Variants in ZFYVE9 observed in about 807,000 individuals in gnomAD.
The protein encoded by ZFYVE9 is zinc finger FYVE-type containing 9, also known as zinc finger FYVE domain-containing protein 9.
A neutral mutation model predicts 126.7 loss-of-function variants in ZFYVE9; 43 were observed. The observed-to-expected ratio is 0.34, with a 90% CI of 0.27 to 0.44. The LOEUF is 0.44. Ranked by LOEUF, ZFYVE9 falls within the 20% of genes least tolerant of loss-of-function variation. The probability of loss-of-function intolerance (pLI) is 1.00; values close to 1 mark genes in which losing one functional copy is unlikely to be tolerated. For synonymous variants in ZFYVE9, 521 were observed against 597.4 expected (o/e 0.87, Z 1.87); for missense variants, 1,476 against 1,697.0 (o/e 0.87, Z 2.29).
rs138090142 is a variant in ZFYVE9, at chr1:52,322,622, C to T, written c.3439-10146C>T. On this transcript the variant is annotated intron_variant, in intron 13 of 18. Transcript: ENST00000287727. ...CGAACTCCTGACCTTGTGACCTGCC[C>T]GCCTTGGCCTCCCAAAGTATTGGGA... is the stretch of plus-strand genomic sequence containing the variant. Among the ~76,000 whole-genome samples the T allele has an allele frequency of 8.4e-3, 1,277 of 151,862 alleles. 24 individuals carry two copies. Among genetic ancestry groups the T allele is most frequent in the African/African-American group, 0.029 (1,185 of 41,414 alleles).
At chr1:52,269,158 G>A (rs1231610809) in intron 7 of ZFYVE9, among the ~76,000 whole-genome samples, 3 of 151,920 alleles carry the variant, frequency 2.0e-5, no homozygotes, top group Non-Finnish European at 4.4e-5. Context: ...TTTTGAGATA[G>A]AGTCTCTGTT....
chr1:52,229,857 G>T (rs955346199), intron 2 of ZFYVE9, among the ~76,000 whole-genome samples: 7 of 151,904 alleles, frequency 4.6e-5, no homozygotes, highest in Non-Finnish European at 7.4e-5. Context: ...GAAAGATTAG[G>T]CTCACAGACA....
At chr1:52,345,586 A>G (rs1372983547) in intron 18 of ZFYVE9, 1 of 154,318 alleles carries the variant, frequency 6.5e-6, no homozygotes, top group East Asian at 1.9e-4. Context: ...TTTTCTGCTA[A>G]ATATGTGAGC....
chr1:52,287,696 CAA>C (rs562577492), intron 10 of ZFYVE9, among the ~76,000 whole-genome samples: 55 of 112,812 alleles, frequency 4.9e-4, no homozygotes, highest in Non-Finnish European at 4.5e-4. Flanking sequence ...CTATCTGTAC[CAA>C]AAAAAAAAAA....
At chr1:52,197,187 A>G (rs1428574056) in intron 1 of ZFYVE9, among the ~76,000 whole-genome samples, 2 of 152,194 alleles carry the variant, frequency 1.3e-5, no homozygotes, top group African/African-American at 2.4e-5. Flanking sequence ...ACAGAAAAGT[A>G]AATTGGTTTT....
At position 52,285,371 on chromosome 1, in the gene ZFYVE9, C is replaced by T. The variant is rs186575649; in HGVS notation, c.3025+3555C>T. ...CACAGGCCATGGACTGGTATTGGTC[C>T]GTGGCCTGTTAGGAACCAGGCCACA... On this transcript the variant is annotated intron_variant, in intron 10 of 18. Transcript: ENST00000287727. 1.9e-3 allele frequency among the ~76,000 whole-genome samples: 293 copies of T among 152,202 alleles called. 5 individuals are homozygous for T. The highest frequency in any genetic ancestry group is 0.016 in the Admixed American group (252 of 15,282).
chr1:52,257,116 A>G (rs1186697693), intron 4 of ZFYVE9, among the ~76,000 whole-genome samples: 1 of 152,222 alleles, frequency 6.6e-6, no homozygotes, highest in East Asian at 1.9e-4. Context: ...TTGAATATAA[A>G]GCATGTTCAC....
intron 6 of ZFYVE9, 109 bp from the exon 7 acceptor site, chr1:52,268,354 C>T: frequency 2.6e-6 from 3 of 1,153,630 alleles, no homozygotes; most frequent in Non-Finnish European, 3.7e-6. Context: ...TGTAAGTTGC[C>T]AAGTAATGAT....
chr1:52,316,183 A>AAAAAAAAG (rs1557516488), intron 13 of ZFYVE9, among the ~76,000 whole-genome samples: 1 of 147,516 alleles, frequency 6.8e-6, no homozygotes, highest in African/African-American at 2.5e-5. Flanking sequence ...AAAAAAAAAA[A>AAAAAAAAG]AAAAAAAGAA....
chr1:52,157,953 T>C (rs980407011), intron 1 of ZFYVE9, among the ~76,000 whole-genome samples: 4 of 152,160 alleles, frequency 2.6e-5, no homozygotes, highest in Non-Finnish European at 5.9e-5. Context: ...TCTCCTCACA[T>C]GGTATACACA....
At chr1:52,280,999 G>A (rs917315655) in intron 9 of ZFYVE9, among the ~76,000 whole-genome samples, 1 of 151,994 alleles carries the variant, frequency 6.6e-6, no homozygotes, top group Non-Finnish European at 1.5e-5. Context: ...ATCACGTTTG[G>A]CTTACAATAC....
chr1:52,224,547 G>A (rs1324307353), intron 2 of ZFYVE9, among the ~76,000 whole-genome samples: 1 of 152,138 alleles, frequency 6.6e-6, no homozygotes, highest in East Asian at 1.9e-4. Context: ...TTTTATCATT[G>A]ACTTACTGGA....
At chr1:52,164,605 C>T (rs1379476350) in intron 1 of ZFYVE9, among the ~76,000 whole-genome samples, 7 of 152,114 alleles carry the variant, frequency 4.6e-5, no homozygotes, top group Non-Finnish European at 1.0e-4. Context: ...CATCTGTCTG[C>T]GCCCAGCTGA....
At chr1:52,316,502 A>G in intron 13 of ZFYVE9, among the ~76,000 whole-genome samples, 1 of 151,236 alleles carries the variant, frequency 6.6e-6, no homozygotes, top group East Asian at 1.9e-4. Context: ...AAAAAAAACT[A>G]AATGGGTAGA....
At chr1:52,275,511 G>GTA (rs1645736554) in intron 8 of ZFYVE9, among the ~76,000 whole-genome samples, 1 of 152,132 alleles carries the variant, frequency 6.6e-6, no homozygotes, top group South Asian at 2.1e-4. Context: ...TATCAACAGT[G>GTA]TATACATGTC....
chr1:52,320,140 A>C (rs1569749870), intron 13 of ZFYVE9, among the ~76,000 whole-genome samples: 1 of 148,482 alleles, frequency 6.7e-6, no homozygotes, highest in African/African-American at 2.5e-5. Flanking sequence ...GTGCAATCTC[A>C]GCTCACTGCA....
intron 2 of ZFYVE9, among the ~76,000 whole-genome samples, chr1:52,223,526 G>A (rs1278292295): frequency 6.6e-6 from 1 of 152,008 alleles, no homozygotes; most frequent in African/African-American, 2.4e-5. Flanking sequence ...TCTATCTTTT[G>A]TATTTTTTTT....
intron 2 of ZFYVE9, among the ~76,000 whole-genome samples, chr1:52,217,309 G>A (rs985115053): frequency 2.0e-5 from 3 of 152,082 alleles, no homozygotes; most frequent in African/African-American, 7.2e-5. Context: ...GGGCGGGGTG[G>A]GTAAAGAAGA....
intron 1 of ZFYVE9, among the ~76,000 whole-genome samples, chr1:52,177,288 T>A (rs1018223529): frequency 9.9e-5 from 15 of 152,136 alleles, no homozygotes; most frequent in African/African-American, 3.4e-4. Flanking sequence ...TAGCTGGGAT[T>A]ACAGGCATGA....
Sources: allele counts gnomAD v4.1 joint callset (sites outside exome capture counted in the v4.1 genomes callset), GRCh38; gene constraint gnomAD v4.1.1; transcripts MANE v1.5; gene names NCBI Gene and HGNC (gene_info 2026-07-23, HGNC 2026-07-21).